IL16: variants seen among roughly 807,000 people sequenced by gnomAD.
IL16 encodes pro-interleukin-16.
Under a neutral mutation model 110.1 loss-of-function variants are expected in IL16, and 67 were observed. That is an observed-to-expected ratio of 0.61 (90% CI 0.50 to 0.75). IL16 has a LOEUF of 0.75. IL16 is among the 30% of genes least tolerant of loss of function. IL16 has a pLI of 0.00. For synonymous variants in IL16, 689 were observed against 662.9 expected (o/e 1.04, Z -0.61); for missense variants, 1,545 against 1,655.0 (o/e 0.93, Z 1.15).
chr15:81,294,794 A>C (rs1287567387), intron 12 of IL16, among the ~76,000 whole-genome samples: 1 of 152,192 alleles, frequency 6.6e-6, no homozygotes, highest in Non-Finnish European at 1.5e-5. Flanking sequence ...GGATCATAGC[A>C]CGCAATAGAA....
At chr15:81,306,812 C>G (rs1339620752) in intron 18 of IL16, 5 of 492,250 alleles carry the variant, frequency 1.0e-5, no homozygotes, top group South Asian at 8.1e-5. Flanking sequence ...GGCCAGGACT[C>G]TAGAGTGGGG....
chr15:81,235,715 A>G (rs1369110041), intron 2 of IL16, among the ~76,000 whole-genome samples: 1 of 152,190 alleles, frequency 6.6e-6, no homozygotes, highest in African/African-American at 2.4e-5. Context: ...GGAGCACAGA[A>G]CTGAATGAGA....
chr15:81,254,017 T>C (rs1897860398), intron 2 of IL16, among the ~76,000 whole-genome samples: 1 of 152,196 alleles, frequency 6.6e-6, no homozygotes, highest in African/African-American at 2.4e-5. Context: ...TTTATCCTCA[T>C]GACTGGAGGA....
intron 1 of IL16, among the ~76,000 whole-genome samples, chr15:81,216,135 A>G (rs1896421781): frequency 6.6e-6 from 1 of 152,194 alleles, no homozygotes; most frequent in South Asian, 2.1e-4. Flanking sequence ...CCAGAGGGGA[A>G]TAGAGAGTCC....
intron 2 of IL16, among the ~76,000 whole-genome samples, chr15:81,226,853 G>A (rs1202886795): frequency 6.6e-6 from 1 of 152,150 alleles, no homozygotes; most frequent in Admixed American, 6.5e-5. Flanking sequence ...TCCACCAACT[G>A]AGAGTCAAAT....
At chr15:81,240,682 C>A (rs1897311324) in intron 2 of IL16, among the ~76,000 whole-genome samples, 2 of 152,006 alleles carry the variant, frequency 1.3e-5, no homozygotes, top group South Asian at 4.1e-4. Flanking sequence ...AAACCTTTTT[C>A]TATTTTTCTT....
rs1457893735 is a variant in IL16, at chr15:81,297,198, C to T, written c.2053+120C>T. The T allele has an allele frequency of 3.2e-5, 31 of 958,148 alleles. No homozygotes were observed. In the East Asian group the frequency reaches 7.5e-4, roughly 23 times the overall value. The allele number at this position is 958,148 out of a possible 1,614,324, so 59.4% of individuals were successfully genotyped here. The stretch of plus-strand genomic sequence containing the variant: ...CTCTGCATTGACATCACCACTGGAC[C>T]TGGCTGATCAACAGTCAAGGGTTCC... On this transcript the variant is annotated intron_variant, in intron 13 of 18. Coordinates refer to ENST00000683961, the MANE Select transcript of IL16 (RefSeq NM_172217.5).
intron 5 of IL16, among the ~76,000 whole-genome samples, chr15:81,270,586 C>A (rs1025390569): frequency 6.6e-6 from 1 of 152,174 alleles, no homozygotes; most frequent in Non-Finnish European, 1.5e-5. Context: ...TAACTGTCTT[C>A]TATGCTGACT....
chr15:81,214,230 TTAAG>T (rs1449089127), intron 1 of IL16, among the ~76,000 whole-genome samples: 2 of 152,200 alleles, frequency 1.3e-5, no homozygotes, highest in African/African-American at 4.8e-5. Context: ...AGCTATATGC[TTAAG>T]TGTGTTTTCT....
intron 2 of IL16, among the ~76,000 whole-genome samples, chr15:81,246,655 T>C (rs1259051524): frequency 3.3e-5 from 5 of 151,922 alleles, no homozygotes; most frequent in Admixed American, 2.6e-4. Context: ...CTTTTACTGA[T>C]ATCAATGTTT....
rs532872365 is a variant in IL16, at chr15:81,231,324, GTCTCTCTC to G, written c.312+5664_312+5671del. 7.4e-3 allele frequency among the ~76,000 whole-genome samples: 349 copies of G among 47,136 alleles called. 3 individuals are homozygous for G. Among genetic ancestry groups the G allele is most frequent in the African/African-American group, 0.013 (165 of 12,742 alleles). 30.9% of individuals were successfully genotyped at this position (47,136 alleles called of 152,430 possible). A position where few individuals can be genotyped will look rare whatever the true frequency, so the allele number is the denominator to read the frequency against. ...GGGGAGATCTACCCAAGGTCGGTCT[GTCTCTCTC>G]TCTCTCTCTCTCTCTCTCTCTCTCT... On this transcript the variant is annotated intron_variant, in intron 2 of 18. Coordinates refer to ENST00000683961, the MANE Select transcript of IL16 (RefSeq NM_172217.5).
At chr15:81,191,773 G>T (rs1895501089) in intron 1 of IL16, among the ~76,000 whole-genome samples, 1 of 152,200 alleles carries the variant, frequency 6.6e-6, no homozygotes, top group African/African-American at 2.4e-5. Context: ...AGAGAAAACA[G>T]CTAGGGCAGA....
Position 81,197,015 on chromosome 15 carries a change from T to C in IL16, c.-239T>C. On this transcript the variant is annotated 5_prime_UTR_variant, in exon 1 of 19. Coordinates refer to ENST00000683961, the MANE Select transcript of IL16 (RefSeq NM_172217.5). ...AACTGAGCGTCCATTTCTCAATCCT[T>C]GCCGGCTCTGACCCAGGCCTGGGCC... The C allele has an allele frequency of 1.6e-6, 2 of 1,287,198 alleles. No individual in the cohort carries two copies. Among genetic ancestry groups the C allele is most frequent in the South Asian group, 1.2e-5 (1 of 80,684 alleles). 79.7% of individuals were successfully genotyped at this position (1,287,198 alleles called of 1,614,324 possible).
chr15:81,200,315 T>C (rs1040061218), intron 1 of IL16, among the ~76,000 whole-genome samples: 1 of 151,900 alleles, frequency 6.6e-6, no homozygotes, highest in South Asian at 2.1e-4. Flanking sequence ...TAAATTATTA[T>C]GGTAAGTCAA....
chr15:81,276,267 C>T (rs1209335181), intron 6 of IL16, among the ~76,000 whole-genome samples: 7 of 152,142 alleles, frequency 4.6e-5, no homozygotes, highest in African/African-American at 7.2e-5. Flanking sequence ...GTTTCCAATA[C>T]GTAGACTTGT....
chr15:81,256,139 G>A (rs887476814), intron 2 of IL16, among the ~76,000 whole-genome samples: 10 of 152,072 alleles, frequency 6.6e-5, no homozygotes, highest in Non-Finnish European at 1.5e-5. Context: ...AACAGTGCCT[G>A]GTACAGAGTA....
In IL16 at chr15:81,300,214, G is replaced by C; in HGVS notation, c.2888G>C (p.Arg963Pro). The C allele has an allele frequency of 6.2e-7, 1 of 1,614,204 alleles. No homozygotes were observed. Among genetic ancestry groups the C allele is most frequent in the Non-Finnish European group, 8.5e-7 (1 of 1,180,046 alleles). Residue 963 changes from arginine to proline, a missense_variant, in exon 14 of 19, where the codon CGA becomes CCA. By Grantham distance (103) the Arg-to-Pro change is moderately radical. This residue lies in a region of IL16 where 1,185 missense variants were observed against 1,238.8 expected (regional missense o/e 0.96). Coordinates refer to ENST00000683961, the MANE Select transcript of IL16 (RefSeq NM_172217.5). ...QGPVLKMPSQ[R>P]ARSFPLTRSQ... ...CCAGTGCTCAAGATGCCTAGCCAGC[G>C]AGCACGGAGCTTCCCCCTGACCAGG...
intron 11 of IL16, chr15:81,292,089 G>A: frequency 2.5e-6 from 1 of 402,846 alleles, no homozygotes; most frequent in Admixed American, 2.9e-5. Context: ...CCAAGCCCTG[G>A]AGCTCTGCAG....
At position 81,223,542 on chromosome 15, in the gene IL16, G is replaced by T. The variant is rs575281774; in HGVS notation, c.-101-1757G>T. Among the ~76,000 whole-genome samples the T allele has an allele frequency of 7.9e-5, 12 of 152,298 alleles. 1 individual carries two copies. The South Asian group carries it at 2.3e-3, about 29-fold the overall frequency. On this transcript the variant is annotated intron_variant, in intron 1 of 18. Transcript: ENST00000683961. ...TGATTCCTGCTTTTACTGAGTCCTA[G>T]CTGTGTGATCTTGAGAAAGTCACCT... is the stretch of plus-strand genomic sequence containing the variant.
Sources: allele counts gnomAD v4.1 joint callset (sites outside exome capture counted in the v4.1 genomes callset), GRCh38; gene constraint gnomAD v4.1.1; regional missense constraint gnomAD v4.1.1; transcripts MANE v1.5; gene names NCBI Gene and HGNC (gene_info 2026-07-23, HGNC 2026-07-21).